Variants in LAMTOR4 observed in about 807,000 individuals in gnomAD.
LAMTOR4 encodes late endosomal/lysosomal adaptor, MAPK and MTOR activator 4.
A neutral mutation model predicts 13.5 loss-of-function variants in LAMTOR4; 11 were observed. The observed-to-expected ratio is 0.82, with a 90% confidence interval of 0.51 to 1.35. The LOEUF is 1.35. Ranked by LOEUF, LAMTOR4 falls within the 40% of genes most tolerant of loss-of-function variation. LAMTOR4 has a pLI of 0.00. For synonymous variants in LAMTOR4, 69 were observed against 52.3 expected (o/e 1.32, Z -1.38); for missense variants, 128 against 126.2 (o/e 1.01, Z -0.07).
At position 100,153,931 on chromosome 7, in the gene LAMTOR4, G is replaced by A; in HGVS notation, c.267G>A (p.Arg89=). 2.5e-6 allele frequency: 4 copies of A among 1,594,610 alleles called. No homozygotes were observed. The highest frequency in any genetic ancestry group is 3.4e-6 in the Non-Finnish European group (4 of 1,171,192). ...VSGQRVFVVK[R]QNRGREPIDV ...GACAGAGGGTGTTTGTGGTGAAGAG[G>A]CAGAACCGAGGTCGGGAGCCCATTG... The change falls in exon 4 of 4, where the codon AGG becomes AGA. Residue 89 remains arginine, a synonymous_variant. Transcript: ENST00000341942.
chr7:100,150,034 C>T (rs189828209), intron 2 of LAMTOR4: 73 of 160,758 alleles, frequency 4.5e-4, no homozygotes, highest in Admixed American at 1.4e-3. Flanking sequence ...GCCTCAGCCT[C>T]CCAAAGTGCT....
intron 2 of LAMTOR4, chr7:100,149,802 T>C (rs1798643604): frequency 4.6e-6 from 2 of 436,120 alleles, no homozygotes; most frequent in Non-Finnish European, 4.3e-6. Flanking sequence ...TGAGACTGAG[T>C]TTCGTTCTTG....
chr7:100,152,077 C>T (rs907172318), intron 2 of LAMTOR4, among the ~76,000 whole-genome samples: 1 of 152,148 alleles, frequency 6.6e-6, no homozygotes, highest in East Asian at 1.9e-4. Flanking sequence ...GGAAATATTT[C>T]TGTAGCCAGA....
chr7:100,153,637 T>C (rs770977405), intron 3 of LAMTOR4, 120 bp downstream of exon 3: 1 of 937,622 alleles, frequency 1.1e-6, no homozygotes, highest in Non-Finnish European at 1.7e-6. Flanking sequence ...TCTGGCCACT[T>C]TCCTCCCTTT....
intron 1 of LAMTOR4, 69 bp downstream of exon 1, chr7:100,149,044 T>C: frequency 6.4e-7 from 1 of 1,569,892 alleles, no homozygotes; most frequent in South Asian, 1.2e-5. Context: ...GTCTGTGTGG[T>C]TTCCCCCTGG....
rs543663000 is a variant in LAMTOR4, at chr7:100,153,746, C to T, written c.203-121C>T. The T allele has an allele frequency of 1.3e-3, 1,003 of 796,452 alleles. 15 individuals are homozygous for T. The South Asian group carries it at 0.014, about 11-fold the overall frequency. The allele number at this position is 796,452 out of a possible 1,614,324, so 49.3% of individuals were successfully genotyped here. ...AATCTCTGAGCCTGGAACTATAGAA[C>T]TTCTTTGGCTTTGATCCCAGCCAAT... On this transcript the variant is annotated intron_variant, in intron 3 of 3. Coordinates refer to ENST00000341942, the MANE Select transcript of LAMTOR4 (RefSeq NM_001008395.4).
chr7:100,150,182 G>A (rs1190739782), intron 2 of LAMTOR4, among the ~76,000 whole-genome samples: 2 of 152,092 alleles, frequency 1.3e-5, no homozygotes, highest in Non-Finnish European at 2.9e-5. Flanking sequence ...GCCTTTATTT[G>A]GTATTTCTTA....
intron 1 of LAMTOR4, 173 bp downstream of exon 1, chr7:100,149,148 T>C: frequency 1.3e-6 from 1 of 798,250 alleles, no homozygotes; most frequent in Non-Finnish European, 2.0e-6. Flanking sequence ...GGGAGGGGTC[T>C]GTGGGAGGGT....
At chr7:100,150,918 G>A (rs978572325) in intron 2 of LAMTOR4, among the ~76,000 whole-genome samples, 5 of 148,376 alleles carry the variant, frequency 3.4e-5, no homozygotes, top group African/African-American at 1.2e-4. Context: ...GAACCTGGAA[G>A]GTGGAGGTTG....
Position 100,153,435 on chromosome 7 carries a change from C to T in LAMTOR4, c.120C>T (p.Ala40=). The change falls in exon 3 of 4, where the codon GCC becomes GCT. Residue 40 remains alanine, a synonymous_variant. Coordinates refer to ENST00000341942, the MANE Select transcript of LAMTOR4 (RefSeq NM_001008395.4). ...SGDLENDEQA[A]SAISELVSTA... is the part of the protein sequence containing the mutation. ...ACCTGGAGAATGATGAGCAGGCAGCCAGTGCCATCTCTGAGCTGGTCAGCA... is the reference window on the plus strand; with the variant it reads ...ACCTGGAGAATGATGAGCAGGCAGCTAGTGCCATCTCTGAGCTGGTCAGCA... The T allele has an allele frequency of 1.2e-6, 2 of 1,611,430 alleles. No homozygotes were observed. Among genetic ancestry groups the T allele is most frequent in the South Asian group, 2.2e-5 (2 of 91,078 alleles).
chr7:100,149,404 C>A, intron 1 of LAMTOR4, 95 bp from the exon 2 acceptor site: 1 of 847,242 alleles, frequency 1.2e-6, no homozygotes. Flanking sequence ...AACCTGGGGC[C>A]ATCGTCAACC....
intron 2 of LAMTOR4, among the ~76,000 whole-genome samples, chr7:100,153,048 T>C (rs982182804): frequency 6.6e-6 from 1 of 151,460 alleles, no homozygotes; most frequent in Non-Finnish European, 1.5e-5. Context: ...TAATCTCAGC[T>C]ATTTGGGAGG....
Position 100,149,495 on chromosome 7 carries a change from C to G in LAMTOR4, c.4-4C>G. ...TTCTCACGACTTGCATCTTTACCCA[C>G]TAGACTTCTGCGCTGACCCAGGGGC... On this transcript the variant is annotated splice_polypyrimidine_tract_variant and splice_region_variant and intron_variant, in intron 1 of 3. Coordinates refer to ENST00000341942, the MANE Select transcript of LAMTOR4 (RefSeq NM_001008395.4). 1.2e-6 allele frequency: 2 copies of G among 1,609,032 alleles called. No individual in the cohort carries two copies. Among genetic ancestry groups the G allele is most frequent in the Admixed American group, 3.3e-5 (2 of 59,986 alleles).
At chr7:100,152,525 T>C (rs1420042458) in intron 2 of LAMTOR4, among the ~76,000 whole-genome samples, 1 of 152,116 alleles carries the variant, frequency 6.6e-6, no homozygotes, top group Non-Finnish European at 1.5e-5. Flanking sequence ...TAGCAGTTAA[T>C]ATATATTGCT....
chr7:100,150,135 T>C (rs1328308470), intron 2 of LAMTOR4, among the ~76,000 whole-genome samples: 1 of 152,118 alleles, frequency 6.6e-6, no homozygotes, highest in East Asian at 1.9e-4. Context: ...TGTATGGTGT[T>C]AGGTCTCTAG....
chr7:100,153,798 CTG>C, intron 3 of LAMTOR4, 67 bp from the exon 4 acceptor site: 1 of 1,110,280 alleles, frequency 9.0e-7, no homozygotes, highest in South Asian at 1.3e-5. Context: ...CCCATGGAGT[CTG>C]TTGCACCCAC....
chr7:100,148,926 G>C lies in LAMTOR4; in HGVS notation c.-47G>C. The C allele has an allele frequency of 1.2e-6, 2 of 1,611,518 alleles. No homozygotes were observed. The highest frequency in any genetic ancestry group is 1.7e-6 in the Non-Finnish European group (2 of 1,179,830). On this transcript the variant is annotated 5_prime_UTR_variant, in exon 1 of 4. Transcript: ENST00000341942. ...AAGCACGTGACCGGGGCCTGAAGCC[G>C]GAAGCTACCTATCTGGTAGGGAGCT...
At chr7:100,149,624 G>A in intron 2 of LAMTOR4, 45 bp downstream of exon 2, 3 of 1,424,236 alleles carry the variant, frequency 2.1e-6, no homozygotes, top group Non-Finnish European at 3.0e-6. Flanking sequence ...CACACAGCCC[G>A]GTAACCCCTT....
chr7:100,151,041 A>G (rs1201328285), intron 2 of LAMTOR4, among the ~76,000 whole-genome samples: 1 of 150,636 alleles, frequency 6.6e-6, no homozygotes, highest in Non-Finnish European at 1.5e-5. Context: ...GGTAAGAAGG[A>G]GGAGCAAGGA....
Sources: gnomAD v4.1 joint callset for allele counts (sites outside exome capture counted in the v4.1 genomes callset) on GRCh38, gnomAD v4.1.1 for gene constraint, MANE v1.5 for transcripts, NCBI Gene and HGNC (gene_info 2026-07-23, HGNC 2026-07-21) for gene names.